Variants in ATP8A2 observed in about 807,000 individuals in gnomAD.
ATP8A2 encodes the protein ATPase phospholipid transporting 8A2, also known as phospholipid-transporting ATPase IB.
In ATP8A2, 100 loss-of-function variants were observed where a neutral mutation model predicts 165.6. That is an observed-to-expected ratio of 0.60 (90% CI 0.51 to 0.71). The LOEUF is 0.71. Ranked by LOEUF, ATP8A2 falls within the 30% of genes least tolerant of loss-of-function variation. ATP8A2 has a pLI of 0.00. For missense variants in ATP8A2, 1,227 were observed against 1,479.5 expected (o/e 0.83, Z 2.80); for synonymous variants, 543 against 548.8 (o/e 0.99, Z 0.15).
At chr13:25,958,498 G>T (rs1955583936) in intron 33 of ATP8A2, among the ~76,000 whole-genome samples, 1 of 152,106 alleles carries the variant, frequency 6.6e-6, no homozygotes, top group African/African-American at 2.4e-5. Context: ...TGGCTTTACA[G>T]TCAGACAAAC....
At chr13:25,938,088 G>A (rs1036926587) in intron 33 of ATP8A2, among the ~76,000 whole-genome samples, 42 of 151,952 alleles carry the variant, frequency 2.8e-4, no homozygotes, top group African/African-American at 9.7e-4. Context: ...ATATTGGAAC[G>A]GGAAATGTAG....
At chr13:25,536,421 A>G (rs2038287715) in intron 6 of ATP8A2, among the ~76,000 whole-genome samples, 1 of 151,982 alleles carries the variant, frequency 6.6e-6, no homozygotes. Flanking sequence ...TGGCCAAAAT[A>G]TTTTTTACTT....
At chr13:25,556,270 G>C (rs984401373) in intron 13 of ATP8A2, among the ~76,000 whole-genome samples, 1 of 152,166 alleles carries the variant, frequency 6.6e-6, no homozygotes, top group African/African-American at 2.4e-5. Context: ...AGCATTGCCA[G>C]CATCTGTTGT....
At chr13:25,770,178 A>G (rs532953155) in intron 26 of ATP8A2, among the ~76,000 whole-genome samples, 1 of 152,324 alleles carries the variant, frequency 6.6e-6, no homozygotes, top group South Asian at 2.1e-4. Flanking sequence ...CCTTTCCCAA[A>G]GCAGACCTCC....
chr13:25,663,975 G>A (rs752686676), intron 24 of ATP8A2, among the ~76,000 whole-genome samples: 7 of 152,110 alleles, frequency 4.6e-5, no homozygotes, highest in Admixed American at 1.3e-4. Flanking sequence ...TTGGGAGGCC[G>A]AGGTGGGTGG....
chr13:25,632,091 A>G (rs1328088709), intron 24 of ATP8A2, among the ~76,000 whole-genome samples: 1 of 151,984 alleles, frequency 6.6e-6, no homozygotes, highest in Non-Finnish European at 1.5e-5. Flanking sequence ...CTTTACTTAC[A>G]TTTTCATATT....
chr13:25,511,255 T>G (rs756057772), intron 2 of ATP8A2, among the ~76,000 whole-genome samples: 11 of 152,222 alleles, frequency 7.2e-5, no homozygotes, highest in Non-Finnish European at 1.5e-4. Context: ...ATTTTTATCT[T>G]TTCCATCAGA....
rs142212335 is a variant in ATP8A2 at position 25,388,431 on chromosome 13, A to C, written c.76+16143A>C. Reference sequence around the variant, plus strand: ...CACGTCTCTAACAACCGAGCTCCCCAAGTGAGCAATTCCTGTCCCTTTTAA... The same window carrying C: ...CACGTCTCTAACAACCGAGCTCCCCCAGTGAGCAATTCCTGTCCCTTTTAA... On this transcript the variant is annotated intron_variant, in intron 1 of 36. Coordinates refer to ENST00000381655, the MANE Select transcript of ATP8A2 (RefSeq NM_016529.6). Among the ~76,000 whole-genome samples, 637 of 152,274 alleles carry C rather than the reference A, an allele frequency of 4.2e-3. 6 individuals carry two copies. The highest frequency in any genetic ancestry group is 0.015 in the African/African-American group (614 of 41,566).
At chr13:25,469,241 C>A (rs2035769506) in intron 2 of ATP8A2, 120 bp downstream of exon 2, 1 of 1,275,638 alleles carries the variant, frequency 7.8e-7, no homozygotes, top group Non-Finnish European at 1.1e-6. Context: ...CCCCCAGAGC[C>A]TTCCCCTGCC....
intron 1 of ATP8A2, among the ~76,000 whole-genome samples, chr13:25,374,434 G>C (rs1453735249): frequency 6.6e-6 from 1 of 152,210 alleles, no homozygotes; most frequent in Non-Finnish European, 1.5e-5. Flanking sequence ...AAGGCAGGGG[G>C]AGAAGCAGAT....
intron 36 of ATP8A2, among the ~76,000 whole-genome samples, chr13:26,014,982 C>T (rs1486050649): frequency 6.6e-6 from 1 of 152,070 alleles, no homozygotes; most frequent in Non-Finnish European, 1.5e-5. Flanking sequence ...AGCCGTGTTG[C>T]CTCTCTGATG....
At chr13:25,417,022 C>T (rs1321135686) in intron 1 of ATP8A2, among the ~76,000 whole-genome samples, 4 of 151,788 alleles carry the variant, frequency 2.6e-5, no homozygotes, top group Non-Finnish European at 5.9e-5. Flanking sequence ...AAAACTTGGG[C>T]TATCTCGGGG....
intron 26 of ATP8A2, among the ~76,000 whole-genome samples, chr13:25,773,568 C>T (rs1176545961): frequency 6.6e-6 from 1 of 152,206 alleles, no homozygotes; most frequent in Non-Finnish European, 1.5e-5. Context: ...GGAGCCATCA[C>T]ATCACTCCCA....
In ATP8A2 at chr13:25,541,987, T is replaced by C; in HGVS notation, c.720T>C (p.Cys240=). 6.2e-7 allele frequency: 1 copy of C among 1,614,086 alleles called. No individual in the cohort carries two copies. The change falls in exon 9 of 37, where the codon TGT becomes TGC. Residue 240 remains cysteine, a synonymous_variant. Transcript: ENST00000381655. The part of the protein sequence containing the change: ...VLMKLSGTIE[C]EGPNRHLYDF... ...TGAAGTTATCTGGAACTATAGAGTG[T>C]GAAGGGCCCAACCGCCACCTCTATG... is the stretch of plus-strand genomic sequence containing the variant.
chr13:26,013,686 A>G lies in ATP8A2; in HGVS notation c.3469+1064A>G, dbSNP rs73155971. On this transcript the variant is annotated intron_variant, in intron 36 of 36. Transcript: ENST00000381655. ...CGAAACTTGGTCTCAAAAAAAAAAA[A>G]AAAGAAAGAAAGAAAGAGACAGATT... Among the ~76,000 whole-genome samples the G allele has an allele frequency of 3.1e-3, 445 of 144,412 alleles. 1 individual carries two copies. Among genetic ancestry groups the G allele is most frequent in the South Asian group, 5.2e-3 (23 of 4,454 alleles). The allele number at this position is 144,412 out of a possible 152,430, so 94.7% of individuals were successfully genotyped here.
intron 2 of ATP8A2, among the ~76,000 whole-genome samples, chr13:25,473,080 T>G (rs566046491): frequency 6.6e-6 from 1 of 152,156 alleles, no homozygotes; most frequent in South Asian, 2.1e-4. Context: ...AAAGCAGGAG[T>G]GAGGTCCCCT....
intron 33 of ATP8A2, among the ~76,000 whole-genome samples, chr13:25,951,593 T>C (rs1414440889): frequency 6.6e-6 from 1 of 152,196 alleles, no homozygotes; most frequent in Non-Finnish European, 1.5e-5. Flanking sequence ...TGTTAATGGC[T>C]GAAGATCTGT....
intron 25 of ATP8A2, among the ~76,000 whole-genome samples, chr13:25,762,268 C>CAAAAAAAA (rs59081934): frequency 0.1 from 4,202 of 41,284 alleles, 1,620 homozygotes; most frequent in Middle Eastern, 0.27. Context: ...GACTCTGTCT[C>CAAAAAAAA]AAAAAAAAAA....
chr13:25,940,491 G>A (rs750970137), intron 33 of ATP8A2, among the ~76,000 whole-genome samples: 1 of 152,116 alleles, frequency 6.6e-6, no homozygotes, highest in African/African-American at 2.4e-5. Context: ...AGGCCCCACC[G>A]GCCTTTCCTC....
Sources: gnomAD v4.1 joint callset for allele counts (sites outside exome capture counted in the v4.1 genomes callset) on GRCh38, gnomAD v4.1.1 for gene constraint, MANE v1.5 for transcripts, NCBI Gene and HGNC (gene_info 2026-07-23, HGNC 2026-07-21) for gene names.